HEATR5B: variants seen among roughly 807,000 people sequenced by gnomAD.
HEATR5B encodes the protein HEAT repeat containing 5B, also known as HEAT repeat-containing protein 5B.
Under a neutral mutation model 224.1 loss-of-function variants are expected in HEATR5B, and 156 were observed. That is an observed-to-expected ratio of 0.70 (90% CI 0.61 to 0.80). The LOEUF is 0.80. Ranked by LOEUF, HEATR5B falls within the 30% of genes least tolerant of loss-of-function variation. The pLI is 0.00. For missense variants in HEATR5B, 2,323 were observed against 2,535.5 expected (o/e 0.92, Z 1.80); for synonymous variants, 1,027 against 893.0 (o/e 1.15, Z -2.68).
chr2:37,064,614 C>T, intron 10 of HEATR5B, 126 bp downstream of exon 10: 1 of 881,718 alleles, frequency 1.1e-6, no homozygotes, highest in Non-Finnish European at 1.8e-6. Context: ...AGTAAGAACA[C>T]TATGTTTTAT....
At chr2:36,987,134 A>G (rs927688928) in intron 35 of HEATR5B, among the ~76,000 whole-genome samples, 2 of 152,192 alleles carry the variant, frequency 1.3e-5, no homozygotes, top group African/African-American at 4.8e-5. Flanking sequence ...TTAAGAATAA[A>G]GATGCTCATC....
Position 37,065,763 on chromosome 2 carries a change from G to A in HEATR5B, c.1325C>T (p.Ala442Val), listed in dbSNP as rs757503172. The A allele has an allele frequency of 6.8e-6, 11 of 1,613,146 alleles. No individual in the cohort carries two copies. Among genetic ancestry groups the A allele is most frequent in the Non-Finnish European group, 9.3e-6 (11 of 1,179,366 alleles). The change falls in exon 9 of 36, where the codon GCA becomes GTA. Residue 442 changes from alanine to valine, a missense_variant. Around this residue, in one of 12 missense-constraint regions of HEATR5B, gnomAD observed 502 missense variants for 517.8 expected, o/e 0.97. Transcript: ENST00000233099. ...NATASPLIQEASIGLLEIVTS... is the reference protein window; with the variant it reads ...NATASPLIQEVSIGLLEIVTS... ...GTAACTGAATGTCATACCTATAGAT[G>A]CTTCTTGAATAAGAGGGGATGCGGT... is the stretch of plus-strand genomic sequence containing the variant.
chr2:37,042,092 ATTACT>A (rs1437463970), intron 18 of HEATR5B, among the ~76,000 whole-genome samples: 5 of 152,156 alleles, frequency 3.3e-5, no homozygotes, highest in Non-Finnish European at 7.4e-5. Flanking sequence ...AGAGATGAAC[ATTACT>A]TTAAAAAATA....
rs1440381409 is a variant in HEATR5B at position 37,083,474 on chromosome 2, T to A, written c.-22-38A>T. The A allele has an allele frequency of 4.8e-6, 7 of 1,449,824 alleles. No individual in the cohort carries two copies. The African/African-American group carries it at 9.9e-5, about 21-fold the overall frequency. 89.8% of individuals were successfully genotyped at this position (1,449,824 alleles called of 1,614,324 possible). ...AGAGTAAAAAATACTTGTAAGTATT[T>A]TTTAATGTTAAAAGTCAAGCTTAAT... On this transcript the variant is annotated intron_variant, in intron 1 of 35. Coordinates refer to ENST00000233099, the MANE Select transcript of HEATR5B (RefSeq NM_019024.3).
intron 24 of HEATR5B, 141 bp downstream of exon 24, chr2:37,027,782 G>C: frequency 4.8e-6 from 4 of 834,268 alleles, no homozygotes; most frequent in Non-Finnish European, 7.6e-6. Flanking sequence ...AGAAAACTAA[G>C]ATGAAAGGCA....
At chr2:36,992,362 C>T (rs1666388520) in intron 33 of HEATR5B, among the ~76,000 whole-genome samples, 1 of 152,162 alleles carries the variant, frequency 6.6e-6, no homozygotes, top group Non-Finnish European at 1.5e-5. Context: ...GGGAGGACTG[C>T]TTGAGCTCAG....
At chr2:36,991,562 C>T (rs180913327) in intron 33 of HEATR5B, among the ~76,000 whole-genome samples, 3 of 150,948 alleles carry the variant, frequency 2.0e-5, no homozygotes, top group Admixed American at 6.6e-5. Flanking sequence ...TAAGGAATTT[C>T]TTGCCATTAC....
intron 33 of HEATR5B, among the ~76,000 whole-genome samples, chr2:37,000,194 C>T (rs1195373301): frequency 3.3e-5 from 5 of 151,886 alleles, no homozygotes; most frequent in Non-Finnish European, 5.9e-5. Flanking sequence ...TCTCCTGCCT[C>T]AGCCTCCCAA....
intron 18 of HEATR5B, among the ~76,000 whole-genome samples, chr2:37,041,985 T>G (rs1180210367): frequency 6.6e-6 from 1 of 151,980 alleles, no homozygotes; most frequent in East Asian, 1.9e-4. Context: ...TATTTTACAC[T>G]TAAGAAATAC....
intron 24 of HEATR5B, among the ~76,000 whole-genome samples, chr2:37,022,561 T>A (rs972269020): frequency 6.6e-6 from 1 of 152,128 alleles, no homozygotes; most frequent in Non-Finnish European, 1.5e-5. Flanking sequence ...GAGAAATGAG[T>A]GTGCTGTGCT....
intron 33 of HEATR5B, among the ~76,000 whole-genome samples, chr2:36,991,861 T>C (rs1666354053): frequency 6.6e-6 from 1 of 152,274 alleles, no homozygotes; most frequent in Non-Finnish European, 1.5e-5. Flanking sequence ...CAGCTTTTTG[T>C]AATATGGAAT....
intron 8 of HEATR5B, 95 bp from the exon 9 acceptor site, chr2:37,066,005 G>C (rs1422946484): frequency 9.6e-7 from 1 of 1,042,720 alleles, no homozygotes; most frequent in Non-Finnish European, 1.4e-6. Flanking sequence ...CATACCAGTT[G>C]ATGTCCGAGT....
rs1056240189 is a variant in HEATR5B at position 37,017,687 on chromosome 2, C to CAAA, written c.4104+2119_4104+2121dup. Among the ~76,000 whole-genome samples, 164 of 61,364 alleles carry CAAA rather than the reference C, an allele frequency of 2.7e-3. 1 individual carries two copies. The highest frequency in any genetic ancestry group is 3.4e-3 in the Non-Finnish European group (115 of 34,030). The allele number at this position is 61,364 out of a possible 152,430, so 40.3% of individuals were successfully genotyped here. A position where few individuals can be genotyped will look rare whatever the true frequency, so the allele number is the denominator to read the frequency against. On this transcript the variant is annotated intron_variant, in intron 26 of 35. Transcript: ENST00000233099. The stretch of plus-strand genomic sequence containing the variant: ...GGGCAACAAGAGCAAAATTCCGTCT[C>CAAA]AAAAAAAAAAAAAAAAAAAAAAAGA...
At chr2:37,026,272 A>G (rs1409910007) in intron 24 of HEATR5B, among the ~76,000 whole-genome samples, 1 of 152,190 alleles carries the variant, frequency 6.6e-6, no homozygotes, top group Non-Finnish European at 1.5e-5. Flanking sequence ...GAGCCTCTAG[A>G]AAGGAACACA....
At position 37,028,587 on chromosome 2, in the gene HEATR5B, A is replaced by G; in HGVS notation, c.3601+94T>C. 5.4e-6 allele frequency: 5 copies of G among 922,456 alleles called. No homozygotes were observed. In the South Asian group the frequency reaches 9.5e-5, roughly 18 times the overall value. The allele number at this position is 922,456 out of a possible 1,614,324, so 57.1% of individuals were successfully genotyped here. A position where few individuals can be genotyped will look rare whatever the true frequency, so the allele number is the denominator to read the frequency against. On this transcript the variant is annotated intron_variant, in intron 23 of 35. Transcript: ENST00000233099. Reference sequence around the variant, plus strand: ...TTATTACTTTTAAATAAAACCTATAATTTACATGTATGTATCTTTATACAT... The same window carrying G: ...TTATTACTTTTAAATAAAACCTATAGTTTACATGTATGTATCTTTATACAT...
chr2:36,991,518 G>C (rs571147875), intron 33 of HEATR5B, among the ~76,000 whole-genome samples: 1 of 150,128 alleles, frequency 6.7e-6, no homozygotes, highest in African/African-American at 2.4e-5. Flanking sequence ...AAAAAAACTT[G>C]GACAATTTCC....
At chr2:37,072,465 G>A (rs1445492263) in intron 5 of HEATR5B, among the ~76,000 whole-genome samples, 184 bp from the exon 6 acceptor site, 2 of 152,140 alleles carry the variant, frequency 1.3e-5, no homozygotes, top group Non-Finnish European at 2.9e-5. Context: ...AAAACAAGAT[G>A]AACCCTACAA....
Position 37,000,633 on chromosome 2 carries a change from G to A in HEATR5B, c.5498C>T (p.Ala1833Val), listed in dbSNP as rs769410247. The A allele has an allele frequency of 1.2e-5, 19 of 1,614,190 alleles. No individual in the cohort carries two copies. Among genetic ancestry groups the A allele is most frequent in the Non-Finnish European group, 1.5e-5 (18 of 1,180,026 alleles). Residue 1833 changes from alanine to valine, a missense_variant, in exon 33 of 36, where the codon GCT becomes GTT. Coordinates refer to ENST00000233099, the MANE Select transcript of HEATR5B (RefSeq NM_019024.3). ...TEAGVQKQWT[A>V]LIRSTLACIL... ...GCAAGCAAGCGTGCTACGAATCAGA[G>A]CTGTCCACTGTTTTTGAACGCCAGC...
At chr2:36,993,547 A>C (rs1666482086) in intron 33 of HEATR5B, among the ~76,000 whole-genome samples, 1 of 151,910 alleles carries the variant, frequency 6.6e-6, no homozygotes, top group Admixed American at 6.6e-5. Flanking sequence ...TGTTTAAAAA[A>C]AAAAAAAAAA....
Sources: allele counts gnomAD v4.1 joint callset (sites outside exome capture counted in the v4.1 genomes callset), GRCh38; gene constraint gnomAD v4.1.1; regional missense constraint gnomAD v4.1.1; transcripts MANE v1.5; gene names NCBI Gene and HGNC (gene_info 2026-07-23, HGNC 2026-07-21).